Variants in RNF24 observed in about 807,000 individuals in gnomAD.
RNF24 encodes ring finger protein 24.
A neutral mutation model predicts 20.0 loss-of-function variants in RNF24; 14 were observed. That is an observed-to-expected ratio of 0.70 (90% confidence interval 0.46 to 1.10). RNF24 has a LOEUF of 1.10. Ranked by LOEUF, RNF24 falls within the 50% of genes least tolerant of loss-of-function variation. The pLI, the probability that RNF24 is intolerant of heterozygous loss-of-function variation, is 0.00. For synonymous variants in RNF24, 45 were observed against 61.1 expected (o/e 0.74, Z 1.23); for missense variants, 124 against 177.6 (o/e 0.70, Z 1.71).
rs1379858026 is a variant in RNF24 at position 3,931,451 on chromosome 20, GAATT to G, written c.*2608_*2611del. 1 of 152,184 alleles carries G rather than the reference GAATT, an allele frequency of 6.6e-6. No individual in the cohort carries two copies. Among genetic ancestry groups the G allele is most frequent in the Non-Finnish European group, 1.5e-5 (1 of 68,034 alleles). 9.4% of individuals were successfully genotyped at this position (152,184 alleles called of 1,614,324 possible). ...AACAAAAACCCTGCGATTTTAATGAGAATTAAAGGAGGATGTAAATTAAAAGGCC... is the reference window on the plus strand; with the variant it reads ...AACAAAAACCCTGCGATTTTAATGAGAAAGGAGGATGTAAATTAAAAGGCC... On this transcript the variant is annotated 3_prime_UTR_variant, in exon 6 of 6. Coordinates refer to ENST00000358395, the MANE Select transcript of RNF24 (RefSeq NM_001134337.3).
chr20:3,952,572 C>CT (rs2091093344), intron 2 of RNF24, among the ~76,000 whole-genome samples: 1 of 140,592 alleles, frequency 7.1e-6, no homozygotes, highest in Admixed American at 7.0e-5. Context: ...TTCTTTTATT[C>CT]TTTTTTCCCG....
At chr20:3,967,973 C>CCAAA (rs2091275860) in intron 1 of RNF24, among the ~76,000 whole-genome samples, 2 of 77,180 alleles carry the variant, frequency 2.6e-5, no homozygotes, top group African/African-American at 1.0e-4. Flanking sequence ...AGCCTGGCAA[C>CCAAA]AAAAAAAAAA....
At chr20:3,954,219 T>C (rs2091115929) in intron 2 of RNF24, among the ~76,000 whole-genome samples, 1 of 152,194 alleles carries the variant, frequency 6.6e-6, no homozygotes, top group African/African-American at 2.4e-5. Context: ...AAACACCTGG[T>C]ACCCCATTCA....
chr20:3,953,759 GT>G (rs66825220), intron 2 of RNF24, among the ~76,000 whole-genome samples: 124 of 138,630 alleles, frequency 8.9e-4, no homozygotes, highest in African/African-American at 1.9e-3. Flanking sequence ...TCTTGTAGTA[GT>G]TTTTTTTTTT....
At chr20:4,008,168 G>A (rs1371724945) in intron 1 of RNF24, among the ~76,000 whole-genome samples, 1 of 148,302 alleles carries the variant, frequency 6.7e-6, no homozygotes, top group Non-Finnish European at 1.5e-5. Context: ...AACACATGAG[G>A]TAGGAACTAT....
chr20:3,945,495 G>A (rs370136201), intron 3 of RNF24, among the ~76,000 whole-genome samples: 4 of 151,972 alleles, frequency 2.6e-5, no homozygotes, highest in East Asian at 1.9e-4. Flanking sequence ...CGGGTGGGTC[G>A]CCTGAGGTCA....
intron 1 of RNF24, among the ~76,000 whole-genome samples, chr20:3,976,970 C>G (rs1318875734): frequency 6.6e-6 from 1 of 152,002 alleles, no homozygotes; most frequent in East Asian, 1.9e-4. Context: ...TTTATTGTAG[C>G]TGCATGTGAG....
chr20:3,969,768 A>C (rs897027330), intron 1 of RNF24, among the ~76,000 whole-genome samples: 1 of 137,946 alleles, frequency 7.2e-6, no homozygotes, highest in African/African-American at 2.7e-5. Context: ...AGGAAGCTGA[A>C]ATCTGTTTTT....
intron 1 of RNF24, among the ~76,000 whole-genome samples, chr20:3,990,020 G>A (rs1403181597): frequency 6.6e-6 from 1 of 152,130 alleles, no homozygotes; most frequent in East Asian, 1.9e-4. Context: ...TTTCCCATTA[G>A]AGAGAAAGAG....
At chr20:4,009,506 A>G (rs1394444126) in intron 1 of RNF24, among the ~76,000 whole-genome samples, 1 of 152,112 alleles carries the variant, frequency 6.6e-6, no homozygotes, top group East Asian at 1.9e-4. Flanking sequence ...GACAGAAAAC[A>G]TGGGTCTAAG....
intron 1 of RNF24, among the ~76,000 whole-genome samples, chr20:4,005,605 A>C (rs1981799774): frequency 6.6e-6 from 1 of 152,196 alleles, no homozygotes; most frequent in South Asian, 2.1e-4. Flanking sequence ...TTTTTCATTC[A>C]GTCCAAGATA....
rs531886231 is a variant in RNF24 at position 3,939,966 on chromosome 20, T to A, written c.229-4893A>T. On this transcript the variant is annotated intron_variant, in intron 4 of 5. Coordinates refer to ENST00000358395, the MANE Select transcript of RNF24 (RefSeq NM_001134337.3). ...GATGCTATTACAAACGAAAAAAAAATTTTTTTTTTGAGGTGGAGTTTCGCT... is the reference window on the plus strand; with the variant it reads ...GATGCTATTACAAACGAAAAAAAAAATTTTTTTTTGAGGTGGAGTTTCGCT... Among the ~76,000 whole-genome samples the A allele has an allele frequency of 2.1e-4, 32 of 150,624 alleles. No individual in the cohort carries two copies. The East Asian group carries it at 4.7e-3, about 22-fold the overall frequency.
rs2090816240 is a variant in RNF24 at position 3,931,127 on chromosome 20, CTA to C, written c.*2934_*2935del. On this transcript the variant is annotated 3_prime_UTR_variant, in exon 6 of 6. Transcript: ENST00000358395. ...AATTCAGTTGTACCCCTAGCAACTA[CTA>C]ATGGTTCAGCCACCCGTGGAGTCCA... The C allele has an allele frequency of 6.6e-6, 1 of 152,246 alleles. No individual in the cohort carries two copies. The highest frequency in any genetic ancestry group is 2.4e-5 in the African/African-American group (1 of 41,448). 9.4% of individuals were successfully genotyped at this position (152,246 alleles called of 1,614,324 possible).
intron 2 of RNF24, among the ~76,000 whole-genome samples, chr20:3,953,226 A>T (rs529440586): frequency 3.9e-5 from 6 of 152,074 alleles, no homozygotes; most frequent in Non-Finnish European, 7.4e-5. Flanking sequence ...ATCTCGGCTC[A>T]CTGCAAGCTC....
chr20:3,997,180 C>T (rs1412689554), intron 1 of RNF24, among the ~76,000 whole-genome samples: 7 of 145,984 alleles, frequency 4.8e-5, no homozygotes, highest in Admixed American at 2.8e-4. Context: ...GAGCCGAGAT[C>T]GCGCCACTGC....
chr20:4,004,524 C>A (rs1981684529), intron 1 of RNF24, among the ~76,000 whole-genome samples: 1 of 151,770 alleles, frequency 6.6e-6, no homozygotes. Flanking sequence ...AGGGTCTTTG[C>A]AGATATAATT....
intron 1 of RNF24, among the ~76,000 whole-genome samples, chr20:3,966,371 A>G (rs1030914358): frequency 1.3e-5 from 2 of 152,012 alleles, no homozygotes; most frequent in African/African-American, 4.8e-5. Context: ...TTCAAATGGG[A>G]TAATCTAACA....
At chr20:3,996,925 A>C (rs551690441) in intron 1 of RNF24, among the ~76,000 whole-genome samples, 1 of 152,294 alleles carries the variant, frequency 6.6e-6, no homozygotes, top group African/African-American at 2.4e-5. Flanking sequence ...TACATGAATA[A>C]GAAATACATT....
At chr20:3,970,852 C>T (rs1397984336) in intron 1 of RNF24, among the ~76,000 whole-genome samples, 2 of 152,030 alleles carry the variant, frequency 1.3e-5, no homozygotes, top group Admixed American at 1.3e-4. Flanking sequence ...TCGAGACAAG[C>T]CTGGCAAACA....
Sources: allele counts gnomAD v4.1 joint callset (sites outside exome capture counted in the v4.1 genomes callset), GRCh38; gene constraint gnomAD v4.1.1; transcripts MANE v1.5; gene names NCBI Gene and HGNC (gene_info 2026-07-23, HGNC 2026-07-21).